The following SEMA4D variants were observed in gnomAD, a reference collection of about 807,000 sequenced individuals.
SEMA4D encodes semaphorin 4D, also known as semaphorin-4D.
SEMA4D carries 22 observed loss-of-function variants against 74.8 expected under a neutral mutation model. The observed-to-expected ratio is 0.29, with a 90% CI of 0.21 to 0.42. SEMA4D has a LOEUF of 0.42. SEMA4D is among the 10% of genes least tolerant of loss of function. SEMA4D has a pLI of 1.00. For missense variants in SEMA4D, 937 were observed against 1,118.4 expected (o/e 0.84, Z 2.31); for synonymous variants, 445 against 463.7 (o/e 0.96, Z 0.52).
At chr9:89,471,590 A>ATGCATGCCAGCTCAGG (rs1860255177) in intron 1 of SEMA4D, among the ~76,000 whole-genome samples, 2 of 126,582 alleles carry the variant, frequency 1.6e-5, no homozygotes, top group Non-Finnish European at 3.3e-5. Context: ...GCCGGCTCAG[A>ATGCATGCCAGCTCAGG]TGCATGCCAG....
intron 6 of SEMA4D, among the ~76,000 whole-genome samples, chr9:89,395,772 G>C (rs1175635664): frequency 3.9e-5 from 6 of 152,048 alleles, no homozygotes; most frequent in Non-Finnish European, 7.4e-5. Context: ...GCAAATACCA[G>C]GCTTCCTCAT....
At chr9:89,380,666 C>T (rs558693452) in intron 15 of SEMA4D, among the ~76,000 whole-genome samples, 84 of 152,288 alleles carry the variant, frequency 5.5e-4, no homozygotes, top group Admixed American at 5.1e-3. Flanking sequence ...CATCCACAGG[C>T]GGGTGAATCC....
At chr9:89,411,187 T>C (rs1027601619) in intron 2 of SEMA4D, among the ~76,000 whole-genome samples, 2 of 152,162 alleles carry the variant, frequency 1.3e-5, no homozygotes, top group African/African-American at 4.8e-5. Flanking sequence ...TTCTCAGAAA[T>C]GCATTTTAAG....
intron 2 of SEMA4D, chr9:89,450,603 G>GGTCTTTAGC (rs1854138685): frequency 3.8e-6 from 3 of 799,852 alleles, no homozygotes; most frequent in Non-Finnish European, 4.1e-6. Flanking sequence ...TGAGATGAAG[G>GGTCTTTAGC]TCCAGGATGC....
intron 16 of SEMA4D, chr9:89,369,490 A>G (rs574467214): frequency 9.8e-5 from 15 of 152,398 alleles, no homozygotes; most frequent in East Asian, 1.9e-4. Context: ...CTGACAGGGT[A>G]AAGACTGCAC....
At chr9:89,472,499 ATTAAT>A (rs1172342681) in intron 1 of SEMA4D, 1 of 277,990 alleles carries the variant, frequency 3.6e-6, no homozygotes, top group Non-Finnish European at 7.2e-6. Flanking sequence ...TGTGACAAAA[ATTAAT>A]TTGAGTGGAG....
At chr9:89,371,768 G>T (rs879070326) in intron 16 of SEMA4D, among the ~76,000 whole-genome samples, 1 of 90,048 alleles carries the variant, frequency 1.1e-5, no homozygotes. Flanking sequence ...GTGTGTGGGG[G>T]GTGTGGTGTG....
rs199848602 is a variant in SEMA4D, at chr9:89,405,483, A to C, written c.-27T>G. 6.2e-7 allele frequency: 1 copy of C among 1,611,430 alleles called. No homozygotes were observed. The highest frequency in any genetic ancestry group is 1.3e-5 in the African/African-American group (1 of 75,062). ...AGGTAGAGGCGACCCCAGGGGCTTC[A>C]GCAGCAAAGGCTCACGGCAGCAGGT... On this transcript the variant is annotated 5_prime_UTR_variant, in exon 3 of 16. Coordinates refer to ENST00000422704, the MANE Select transcript of SEMA4D (RefSeq NM_001371194.2).
At chr9:89,422,987 T>C (rs558528152) in intron 2 of SEMA4D, among the ~76,000 whole-genome samples, 1 of 152,348 alleles carries the variant, frequency 6.6e-6, no homozygotes, top group East Asian at 1.9e-4. Context: ...GTTCTTCTCT[T>C]GCCTTTCTTA....
intron 2 of SEMA4D, chr9:89,449,811 T>G: frequency 6.7e-7 from 1 of 1,497,716 alleles, no homozygotes; most frequent in Non-Finnish European, 9.3e-7. Flanking sequence ...GGTAAATAAC[T>G]GTGTATGTCA....
At chr9:89,450,175 CA>C (rs1854003009) in intron 2 of SEMA4D, 2 of 1,256,814 alleles carry the variant, frequency 1.6e-6, no homozygotes, top group East Asian at 4.7e-5. Context: ...CAGATTCCCA[CA>C]GACAAGCAGA....
At chr9:89,479,610 T>A (rs1862666244) in intron 1 of SEMA4D, 1 of 174,226 alleles carries the variant, frequency 5.7e-6, no homozygotes, top group Non-Finnish European at 1.2e-5. Context: ...GATGTTCAGA[T>A]GTGTTCAGAG....
At chr9:89,366,251 G>A (rs1833649115) in intron 16 of SEMA4D, among the ~76,000 whole-genome samples, 1 of 152,248 alleles carries the variant, frequency 6.6e-6, no homozygotes, top group African/African-American at 2.4e-5. Context: ...AAATGGCTGG[G>A]ATGCTGGTGG....
chr9:89,371,998 G>A (rs1835032676), intron 16 of SEMA4D, among the ~76,000 whole-genome samples: 1 of 12,388 alleles, frequency 8.1e-5, no homozygotes, highest in Non-Finnish European at 1.5e-4. Context: ...TGTGGTGTGT[G>A]TCTGGGGTGT....
intron 2 of SEMA4D, among the ~76,000 whole-genome samples, chr9:89,425,620 G>GC (rs1847935376): frequency 6.6e-6 from 1 of 152,194 alleles, no homozygotes; most frequent in African/African-American, 2.4e-5. Context: ...CAGCCTACAA[G>GC]CCCGCTGCTT....
At chr9:89,430,626 C>T (rs1051451281) in intron 2 of SEMA4D, among the ~76,000 whole-genome samples, 2 of 152,200 alleles carry the variant, frequency 1.3e-5, no homozygotes, top group African/African-American at 2.4e-5. Context: ...AGATGCCCTG[C>T]CCAGGGATGT....
At chr9:89,471,237 C>T (rs992652861) in intron 1 of SEMA4D, among the ~76,000 whole-genome samples, 13 of 152,082 alleles carry the variant, frequency 8.5e-5, no homozygotes, top group African/African-American at 2.9e-4. Flanking sequence ...TTAATGGGTA[C>T]AGAGTTTCCA....
chr9:89,411,945 C>T (rs1424429166), intron 2 of SEMA4D, among the ~76,000 whole-genome samples: 2 of 152,230 alleles, frequency 1.3e-5, no homozygotes, highest in East Asian at 1.9e-4. Context: ...TGCCCCCTCC[C>T]TCCGATGCAC....
intron 1 of SEMA4D, among the ~76,000 whole-genome samples, chr9:89,468,384 C>T (rs543388310): frequency 6.6e-5 from 10 of 152,234 alleles, no homozygotes; most frequent in Middle Eastern, 6.8e-3. Context: ...TCCCCAAAGT[C>T]CATCAATGAA....
Sources: allele counts gnomAD v4.1 joint callset (sites outside exome capture counted in the v4.1 genomes callset), GRCh38; gene constraint gnomAD v4.1.1; transcripts MANE v1.5; gene names NCBI Gene and HGNC (gene_info 2026-07-23, HGNC 2026-07-21).